Variants in C3orf20 observed in about 807,000 individuals in gnomAD.
C3orf20 encodes the protein uncharacterized protein C3orf20.
A neutral mutation model predicts 88.3 loss-of-function variants in C3orf20; 76 were observed. The ratio of observed to expected loss-of-function variants is 0.86; its 90% CI spans 0.72 to 1.04. C3orf20 has a LOEUF of 1.04. Among genes scored for constraint, C3orf20 ranks in the 50% least tolerant of loss-of-function variants. The probability of loss-of-function intolerance (pLI) is 0.00; values close to 1 mark genes in which losing one functional copy is unlikely to be tolerated. For missense variants in C3orf20, 1,056 were observed against 1,123.3 expected (o/e 0.94, Z 0.86); for synonymous variants, 436 against 437.4 (o/e 1.00, Z 0.04).
intron 1 of C3orf20, among the ~76,000 whole-genome samples, chr3:14,678,022 C>G (rs1253050332): frequency 1.4e-5 from 2 of 146,590 alleles, no homozygotes; most frequent in African/African-American, 5.0e-5. Flanking sequence ...GCTCCTCTCA[C>G]CTGGTCCTAC....
Position 14,684,344 on chromosome 3 carries a change from C to A in C3orf20, c.587C>A (p.Ala196Asp). The A allele has an allele frequency of 6.2e-7, 1 of 1,614,094 alleles. No individual in the cohort carries two copies. The highest frequency in any genetic ancestry group is 8.5e-7 in the Non-Finnish European group (1 of 1,180,012). Reference sequence around the variant, plus strand: ...GCCTTCAACTGCCTGATCAGCACAGCCGGGAGAAGTGGCTACAGCAGCGGA... The same window carrying A: ...GCCTTCAACTGCCTGATCAGCACAGACGGGAGAAGTGGCTACAGCAGCGGA... Reference protein sequence around the residue: ...EMAFNCLISTAGRSGYSSGQL... With the variant: ...EMAFNCLISTDGRSGYSSGQL... Residue 196 changes from alanine (A) to aspartate (D), a missense_variant, in exon 4 of 17, where the codon GCC (alanine) becomes GAC (aspartate). Coordinates refer to ENST00000253697, the MANE Select transcript of C3orf20 (RefSeq NM_032137.5).
chr3:14,701,498 G>A lies in C3orf20; in HGVS notation c.746-1632G>A, dbSNP rs900546337. On this transcript the variant is annotated intron_variant, in intron 5 of 16. Transcript: ENST00000253697. This position sits in a 1 kb window ranked among gnomAD's most constrained non-coding sequence, Gnocchi z 4.6. ...ACCTAGGGTGGGATATCACTGCCAC[G>A]ACTCCACATGACCACATCCTCATAC... is the stretch of plus-strand genomic sequence containing the variant. 6.6e-6 allele frequency among the ~76,000 whole-genome samples: 1 copy of A among 151,918 alleles called. No individual in the cohort carries two copies. The highest frequency in any genetic ancestry group is 2.1e-4 in the South Asian group (1 of 4,802).
intron 7 of C3orf20, among the ~76,000 whole-genome samples, chr3:14,711,772 A>G: frequency 6.6e-6 from 1 of 150,910 alleles, no homozygotes; most frequent in Admixed American, 6.7e-5. Flanking sequence ...CTTTTTGATT[A>G]GAGAGTTTAA....
chr3:14,703,414 C>T, intron 6 of C3orf20, 152 bp downstream of exon 6: 1 of 1,248,190 alleles, frequency 8.0e-7, no homozygotes, highest in Non-Finnish European at 1.1e-6. Context: ...CTCCCCACGA[C>T]AGCCACAGGT....
Position 14,772,687 on chromosome 3 carries a change from G to A in C3orf20, c.2631-104G>A. The A allele has an allele frequency of 3.4e-6, 3 of 875,354 alleles. No homozygotes were observed. Among genetic ancestry groups the A allele is most frequent in the Non-Finnish European group, 5.6e-6 (3 of 535,044 alleles). The allele number at this position is 875,354 out of a possible 1,614,324, so 54.2% of individuals were successfully genotyped here. On this transcript the variant is annotated intron_variant, in intron 16 of 16. Transcript: ENST00000253697. The surrounding 1 kb of genome is among the most constrained non-coding windows in gnomAD (Gnocchi z 4.2). ...GGAACAGCACCCAACAGCCTCACCT[G>A]TGCAAGGGAGAGGGCCTTGCCCCTC... is the stretch of plus-strand genomic sequence containing the variant.
chr3:14,693,601 A>C (rs2032834679), intron 5 of C3orf20, among the ~76,000 whole-genome samples: 2 of 152,142 alleles, frequency 1.3e-5, no homozygotes, highest in Admixed American at 6.5e-5. Flanking sequence ...TGGAGTCTTT[A>C]GGTTTTTCCA....
At chr3:14,693,401 T>A (rs991323383) in intron 5 of C3orf20, among the ~76,000 whole-genome samples, 3 of 152,204 alleles carry the variant, frequency 2.0e-5, no homozygotes, top group Non-Finnish European at 4.4e-5. Context: ...GTTTTTTGCA[T>A]CAGTGTTTTA....
chr3:14,744,478 C>A (rs1267738507), intron 12 of C3orf20, among the ~76,000 whole-genome samples: 1 of 151,974 alleles, frequency 6.6e-6, no homozygotes, highest in Non-Finnish European at 1.5e-5. Flanking sequence ...TCAAACTGTT[C>A]CAACCTTTGT....
chr3:14,747,586 A>G (rs2035092383), intron 12 of C3orf20, among the ~76,000 whole-genome samples: 1 of 152,178 alleles, frequency 6.6e-6, no homozygotes, highest in Non-Finnish European at 1.5e-5. Flanking sequence ...GCACAGGGCT[A>G]CAGTCTAATA....
intron 4 of C3orf20, among the ~76,000 whole-genome samples, chr3:14,687,088 A>G (rs945769107): frequency 1.3e-4 from 20 of 152,348 alleles, no homozygotes; most frequent in African/African-American, 4.6e-4. Flanking sequence ...GGGAAAACCG[A>G]ATACAGGATC....
Position 14,757,634 on chromosome 3 carries a change from A to G in C3orf20, c.2204A>G (p.Tyr735Cys). ...GQLQWLLNTL[Y>C]NHQQRGRGSP... ...CTCCAGTGGCTGCTGAACACTCTCT[A>G]CAACCACCAGCAGCGGGGCCGTGGC... The change falls in exon 13 of 17, where the codon TAC (tyrosine) becomes TGC (cysteine). Residue 735 changes from tyrosine to cysteine, a missense_variant. Transcript: ENST00000253697. 2 of 1,612,340 alleles carry G rather than the reference A, an allele frequency of 1.2e-6. No homozygotes were observed. The highest frequency in any genetic ancestry group is 1.3e-5 in the African/African-American group (1 of 74,988).
chr3:14,684,178 C>G, intron 3 of C3orf20, 64 bp from the exon 4 acceptor site: 1 of 1,590,430 alleles, frequency 6.3e-7, no homozygotes, highest in Non-Finnish European at 8.6e-7. Context: ...TTACAGAGGT[C>G]CTTTTCTGGA....
chr3:14,715,851 A>G (rs563290087), intron 9 of C3orf20, among the ~76,000 whole-genome samples: 15 of 150,454 alleles, frequency 1.0e-4, no homozygotes, highest in African/African-American at 3.4e-4. Context: ...AAAACAATCT[A>G]GAAGTCAAAA....
chr3:14,715,331 CAATG>C lies in C3orf20; in HGVS notation c.1358_1361del (p.Asn453ThrfsTer6), dbSNP rs1297302518. 2.5e-6 allele frequency: 4 copies of C among 1,612,514 alleles called. No individual in the cohort carries two copies. In the Admixed American group the frequency reaches 5.0e-5, roughly 20 times the overall value. On this transcript the variant is annotated frameshift_variant, in exon 9 of 17. Transcript: ENST00000253697. LOFTEE classifies it high-confidence loss of function. ...TCTTGGATGAGGAAGGTGGGACCAC[CAATG>C]ACCAGCAGGGCTATGTAGTCCACAA...
rs1324223529 is a variant in C3orf20 at position 14,768,215 on chromosome 3, G to C, written c.2496-3852G>C. The stretch of plus-strand genomic sequence containing the variant: ...GGGTGAGGAGACTGGGTCTCTAGTT[G>C]GATCAGCAGTGCAGGGGGCCCACAC... On this transcript the variant is annotated intron_variant, in intron 15 of 16. Coordinates refer to ENST00000253697, the MANE Select transcript of C3orf20 (RefSeq NM_032137.5). This position sits in a 1 kb window ranked among gnomAD's most constrained non-coding sequence, Gnocchi z 4.1. Among the ~76,000 whole-genome samples, 1 of 152,086 alleles carries C rather than the reference G, an allele frequency of 6.6e-6. No individual in the cohort carries two copies. The highest frequency in any genetic ancestry group is 1.5e-5 in the Non-Finnish European group (1 of 68,022).
In C3orf20 at chr3:14,759,904, C is replaced by G. The variant is rs369169715; in HGVS notation, c.2258C>G (p.Ser753Cys). ...GSPCIQCRYD[S>C]YRLLQYDLDS... ...CTCTCCTGGTAGTGCCGGTATGACTCCTACCGCCTGCTGCAGTATGACCTG... is the reference window on the plus strand; with the variant it reads ...CTCTCCTGGTAGTGCCGGTATGACTGCTACCGCCTGCTGCAGTATGACCTG... Residue 753 changes from serine to cysteine, a missense_variant, in exon 14 of 17, where the codon TCC becomes TGC. Coordinates refer to ENST00000253697, the MANE Select transcript of C3orf20 (RefSeq NM_032137.5). 4 of 1,613,882 alleles carry G rather than the reference C, an allele frequency of 2.5e-6. No homozygotes were observed. Among genetic ancestry groups the G allele is most frequent in the Non-Finnish European group, 3.4e-6 (4 of 1,179,894 alleles).
chr3:14,757,174 ACT>A (rs1348172145), intron 12 of C3orf20, among the ~76,000 whole-genome samples, 195 bp from the exon 13 acceptor site: 3 of 152,102 alleles, frequency 2.0e-5, no homozygotes, highest in Admixed American at 2.0e-4. Context: ...GTAACTTGTT[ACT>A]CTCATTTTGC....
At chr3:14,688,541 A>AG (rs1008979103) in intron 4 of C3orf20, among the ~76,000 whole-genome samples, 14 of 151,100 alleles carry the variant, frequency 9.3e-5, no homozygotes, top group Admixed American at 1.3e-4. Context: ...AAAAAAAAAA[A>AG]AAAAAGAAAA....
chr3:14,730,161 G>C (rs552814842), intron 12 of C3orf20, among the ~76,000 whole-genome samples: 1 of 152,256 alleles, frequency 6.6e-6, no homozygotes, highest in East Asian at 1.9e-4. Context: ...TGTCTTCTTT[G>C]GTGTCTGGCA....
Sources: allele counts gnomAD v4.1 joint callset (sites outside exome capture counted in the v4.1 genomes callset), GRCh38; gene constraint gnomAD v4.1.1; non-coding constraint Gnocchi (gnomAD v3.1); transcripts MANE v1.5; gene names NCBI Gene and HGNC (gene_info 2026-07-23, HGNC 2026-07-21).